Variants in LOC128462377 observed in about 807,000 individuals in gnomAD.
chr16:89,326,132 A>G, the LOC128462377 span, among the ~76,000 whole-genome samples: 2 of 152,254 alleles, frequency 1.3e-5, no homozygotes, highest in African/African-American at 4.8e-5. Flanking sequence ...AGACAAAGAA[A>G]AGCAGGCGTG....
the LOC128462377 span, among the ~76,000 whole-genome samples, chr16:89,331,453 A>C: frequency 6.6e-6 from 1 of 152,326 alleles, no homozygotes; most frequent in East Asian, 1.9e-4. Flanking sequence ...TACAGATTAA[A>C]GACTTAAAAG....
the LOC128462377 span, among the ~76,000 whole-genome samples, chr16:89,413,497 C>A: frequency 1.3e-5 from 2 of 152,090 alleles, no homozygotes; most frequent in Non-Finnish European, 2.9e-5. Flanking sequence ...TGGTGGCGGG[C>A]ACCTATAGTC....
chr16:89,384,879 CTTTTTTTT>C, the LOC128462377 span, among the ~76,000 whole-genome samples: 403 of 49,934 alleles, frequency 8.1e-3, 4 homozygotes, highest in African/African-American at 0.021. Flanking sequence ...AAATAGTTTT[CTTTTTTTT>C]TTTTTTTTTT....
At chr16:89,327,176 A>G in the LOC128462377 span, among the ~76,000 whole-genome samples, 218 of 152,362 alleles carry the variant, frequency 1.4e-3, no homozygotes, top group African/African-American at 5.0e-3. Flanking sequence ...TCAACCATCA[A>G]TCAGTCAACG....
At chr16:89,343,456 C>T in the LOC128462377 span, among the ~76,000 whole-genome samples, 1 of 152,140 alleles carries the variant, frequency 6.6e-6, no homozygotes, top group South Asian at 2.1e-4. Flanking sequence ...CTCTTAAAAG[C>T]CAGGGTACAC....
chr16:89,319,385 C>T, the LOC128462377 span, among the ~76,000 whole-genome samples: 5 of 152,228 alleles, frequency 3.3e-5, no homozygotes, highest in Non-Finnish European at 7.3e-5. Context: ...GGAAGTGGGT[C>T]GCACCCACCA....
At chr16:89,412,050 G>A in the LOC128462377 span, among the ~76,000 whole-genome samples, 3 of 95,508 alleles carry the variant, frequency 3.1e-5, no homozygotes, top group Non-Finnish European at 6.3e-5. Context: ...GGGCTGAGAT[G>A]TCTCCCAGAG....
chr16:89,397,371 T>C, the LOC128462377 span, among the ~76,000 whole-genome samples: 2 of 152,240 alleles, frequency 1.3e-5, no homozygotes, highest in Non-Finnish European at 2.9e-5. Flanking sequence ...TTACAAAATC[T>C]GAGTTTTCTC....
the LOC128462377 span, among the ~76,000 whole-genome samples, chr16:89,410,985 C>T: frequency 6.6e-6 from 1 of 152,210 alleles, no homozygotes; most frequent in Non-Finnish European, 1.5e-5. Flanking sequence ...CCTCCACAGG[C>T]GCTTTCCTGA....
chr16:89,355,221 TCAC>T, the LOC128462377 span, among the ~76,000 whole-genome samples: 2 of 151,784 alleles, frequency 1.3e-5, no homozygotes, highest in African/African-American at 4.8e-5. Flanking sequence ...GGCAGAGGGC[TCAC>T]GGAGGGAGGG....
At chr16:89,401,820 T>A in the LOC128462377 span, among the ~76,000 whole-genome samples, 1 of 151,666 alleles carries the variant, frequency 6.6e-6, no homozygotes. Flanking sequence ...GAGGCGGAGA[T>A]CGTGGTGATG....
At chr16:89,390,826 A>C in the LOC128462377 span, among the ~76,000 whole-genome samples, 2 of 152,190 alleles carry the variant, frequency 1.3e-5, no homozygotes, top group African/African-American at 4.8e-5. Flanking sequence ...GCTGCTCCCC[A>C]CATGCCCTGC....
chr16:89,331,020 C>G, the LOC128462377 span, among the ~76,000 whole-genome samples: 4 of 152,208 alleles, frequency 2.6e-5, no homozygotes, highest in East Asian at 7.7e-4. Flanking sequence ...ATGGTGCCAT[C>G]TCGGCTCACT....
At chr16:89,401,464 G>C in the LOC128462377 span, among the ~76,000 whole-genome samples, 1 of 152,302 alleles carries the variant, frequency 6.6e-6, no homozygotes, top group South Asian at 2.1e-4. Flanking sequence ...AGAATGTGAA[G>C]CCTTATATCC....
At chr16:89,359,395 C>G in the LOC128462377 span, among the ~76,000 whole-genome samples, 1 of 152,220 alleles carries the variant, frequency 6.6e-6, no homozygotes, top group Non-Finnish European at 1.5e-5. Flanking sequence ...GCTCCTGGAG[C>G]CAGCCCCAGC....
the LOC128462377 span, chr16:89,317,217 C>A: frequency 1.5e-6 from 1 of 688,086 alleles, no homozygotes; most frequent in Non-Finnish European, 2.6e-6. Context: ...GGGCCAGGCC[C>A]AGGAAGGGAC....
At chr16:89,333,929 G>C in the LOC128462377 span, among the ~76,000 whole-genome samples, 2 of 152,062 alleles carry the variant, frequency 1.3e-5, no homozygotes, top group Admixed American at 1.3e-4. Flanking sequence ...CTCACCACTG[G>C]AAGCAGTCAG....
chr16:89,381,411 C>A, the LOC128462377 span, among the ~76,000 whole-genome samples: 1 of 151,282 alleles, frequency 6.6e-6, no homozygotes, highest in Non-Finnish European at 1.5e-5. Flanking sequence ...CCAAGAAACT[C>A]CCAGACACCA....
At chr16:89,372,162 G>A in the LOC128462377 span, among the ~76,000 whole-genome samples, 4 of 152,206 alleles carry the variant, frequency 2.6e-5, no homozygotes, top group Admixed American at 1.3e-4. Context: ...AAGAAGGACC[G>A]GCGCCCACTC....
Sources: gnomAD v4.1 joint callset for allele counts (sites outside exome capture counted in the v4.1 genomes callset) on GRCh38, gnomAD v4.1.1 for gene constraint, MANE v1.5 for transcripts.